KCTD8: variants seen among roughly 807,000 people sequenced by gnomAD.
The protein encoded by KCTD8 is potassium channel tetramerization domain containing 8, also known as BTB/POZ domain-containing protein KCTD8.
Under a neutral mutation model 31.5 loss-of-function variants are expected in KCTD8, and 27 were observed. The observed-to-expected ratio is 0.86, with a 90% CI of 0.63 to 1.18. The LOEUF (loss-of-function observed/expected upper bound fraction) is 1.18, where lower values mean the gene tolerates loss of function less well. KCTD8 is among the 50% of genes most tolerant of loss of function. The pLI, the probability that KCTD8 is intolerant of heterozygous loss-of-function variation, is 0.00. For missense variants in KCTD8, 658 were observed against 647.7 expected, an observed-to-expected ratio of 1.02 and a Z score of -0.17; for synonymous variants, 290 against 280.0, an observed-to-expected ratio of 1.04 and a Z score of -0.36.
At chr4:44,440,506 T>C (rs1721787943) in intron 1 of KCTD8, among the ~76,000 whole-genome samples, 2 of 152,178 alleles carry the variant, frequency 1.3e-5, no homozygotes, top group Non-Finnish European at 2.9e-5. Flanking sequence ...AAGGTCTCTG[T>C]CTTATTCATA....
At chr4:44,216,586 A>C (rs1714657627) in intron 1 of KCTD8, among the ~76,000 whole-genome samples, 1 of 152,180 alleles carries the variant, frequency 6.6e-6, no homozygotes, top group African/African-American at 2.4e-5. Flanking sequence ...CCATACACAC[A>C]GTTCAATTGT....
At chr4:44,405,643 T>C (rs974168894) in intron 1 of KCTD8, among the ~76,000 whole-genome samples, 3 of 152,092 alleles carry the variant, frequency 2.0e-5, no homozygotes, top group Non-Finnish European at 4.4e-5. Flanking sequence ...AATTCTCTAC[T>C]ATTTTCTTCT....
intron 1 of KCTD8, among the ~76,000 whole-genome samples, chr4:44,406,676 C>T (rs1462797955): frequency 1.3e-5 from 2 of 152,090 alleles, no homozygotes; most frequent in Non-Finnish European, 1.5e-5. Context: ...ATATAAAATC[C>T]AAAAAGTGAA....
At chr4:44,402,497 G>A (rs1363086113) in intron 1 of KCTD8, among the ~76,000 whole-genome samples, 1 of 152,098 alleles carries the variant, frequency 6.6e-6, no homozygotes, top group African/African-American at 2.4e-5. Flanking sequence ...AGAGAAACAA[G>A]TCTACGGTAG....
intron 1 of KCTD8, among the ~76,000 whole-genome samples, chr4:44,336,148 T>A (rs1718736569): frequency 4.0e-5 from 1 of 24,840 alleles, no homozygotes; most frequent in Non-Finnish European, 6.1e-5. Context: ...AGACTCCGTC[T>A]CAAAAAAAAA....
chr4:44,217,206 C>CAGTTGG (rs970449145), intron 1 of KCTD8, among the ~76,000 whole-genome samples: 1 of 152,114 alleles, frequency 6.6e-6, no homozygotes, highest in African/African-American at 2.4e-5. Flanking sequence ...TTAGAAATTC[C>CAGTTGG]AGTTGGCAAA....
At chr4:44,221,038 G>A (rs968162094) in intron 1 of KCTD8, among the ~76,000 whole-genome samples, 6 of 152,062 alleles carry the variant, frequency 3.9e-5, no homozygotes, top group African/African-American at 1.4e-4. Flanking sequence ...GCTGAATGCT[G>A]GACAAATGGG....
chr4:44,333,062 G>T (rs1482303905), intron 1 of KCTD8, among the ~76,000 whole-genome samples: 1 of 152,056 alleles, frequency 6.6e-6, no homozygotes, highest in Non-Finnish European at 1.5e-5. Flanking sequence ...AATGATTGTA[G>T]AGTCTGTCAT....
At chr4:44,315,600 T>C (rs918679419) in intron 1 of KCTD8, among the ~76,000 whole-genome samples, 1 of 152,138 alleles carries the variant, frequency 6.6e-6, no homozygotes, top group Non-Finnish European at 1.5e-5. Flanking sequence ...AGTATCTTTT[T>C]ATTTTCTGGA....
At chr4:44,410,210 T>C (rs2109463169) in intron 1 of KCTD8, among the ~76,000 whole-genome samples, 1 of 152,292 alleles carries the variant, frequency 6.6e-6, no homozygotes, top group African/African-American at 2.4e-5. Flanking sequence ...GATCTCTTTA[T>C]AAATTATACA....
At chr4:44,323,111 T>C (rs1414640643) in intron 1 of KCTD8, among the ~76,000 whole-genome samples, 1 of 152,100 alleles carries the variant, frequency 6.6e-6, no homozygotes, top group Non-Finnish European at 1.5e-5. Context: ...GACCTTTTTC[T>C]ATTTCTGTGA....
chr4:44,176,045 C>T (rs1713205074), intron 1 of KCTD8, among the ~76,000 whole-genome samples: 1 of 152,086 alleles, frequency 6.6e-6, no homozygotes. Context: ...TTTTATTCTC[C>T]CTGACTCCAC....
chr4:44,307,029 T>C (rs1717824163), intron 1 of KCTD8, among the ~76,000 whole-genome samples: 2 of 152,016 alleles, frequency 1.3e-5, no homozygotes, highest in Non-Finnish European at 2.9e-5. Flanking sequence ...CAATATGTAA[T>C]TAATTGCTTA....
intron 1 of KCTD8, among the ~76,000 whole-genome samples, chr4:44,433,218 C>T (rs1721546048): frequency 6.6e-6 from 1 of 151,784 alleles, no homozygotes; most frequent in African/African-American, 2.4e-5. Flanking sequence ...AAAGCCATCA[C>T]CAACTCTGGA....
chr4:44,334,264 T>G (rs73175220), intron 1 of KCTD8, among the ~76,000 whole-genome samples: 3,929 of 152,090 alleles, frequency 0.026, 189 homozygotes, highest in African/African-American at 0.09. Flanking sequence ...AGGATAAAAT[T>G]CTCTTCATTG....
At chr4:44,284,401 G>A (rs1479847213) in intron 1 of KCTD8, among the ~76,000 whole-genome samples, 1 of 152,128 alleles carries the variant, frequency 6.6e-6, no homozygotes, top group African/African-American at 2.4e-5. Flanking sequence ...AATGGTGTTG[G>A]GAAAACTGGC....
intron 1 of KCTD8, among the ~76,000 whole-genome samples, chr4:44,395,374 G>T (rs1216582113): frequency 6.6e-6 from 1 of 152,116 alleles, no homozygotes; most frequent in African/African-American, 2.4e-5. Context: ...GAAATAGGGT[G>T]TAGGCCAATC....
chr4:44,391,889 T>A (rs1446935566), intron 1 of KCTD8, among the ~76,000 whole-genome samples: 1 of 152,124 alleles, frequency 6.6e-6, no homozygotes, highest in Admixed American at 6.6e-5. Flanking sequence ...TTTCCAGAAA[T>A]GACACTGAGT....
intron 1 of KCTD8, among the ~76,000 whole-genome samples, chr4:44,250,659 G>A (rs1715800456): frequency 6.6e-6 from 1 of 151,684 alleles, no homozygotes; most frequent in African/African-American, 2.4e-5. Flanking sequence ...TAAAGTTGAT[G>A]ATCATTTTAT....
Sources: gnomAD v4.1 joint callset for allele counts (sites outside exome capture counted in the v4.1 genomes callset) on GRCh38, gnomAD v4.1.1 for gene constraint, MANE v1.5 for transcripts, NCBI Gene and HGNC (gene_info 2026-07-23, HGNC 2026-07-21) for gene names.